Variants in PLXNA3 observed in about 807,000 individuals in gnomAD.
PLXNA3 encodes the protein plexin A3.
A neutral mutation model predicts 118.8 loss-of-function variants in PLXNA3; 52 were observed. The observed-to-expected ratio is 0.44, with a 90% confidence interval of 0.35 to 0.55. PLXNA3 has a LOEUF of 0.55. PLXNA3 is among the 20% of genes least tolerant of loss of function. The pLI, the probability that PLXNA3 is intolerant of heterozygous loss-of-function variation, is 0.01. For synonymous variants in PLXNA3, 925 were observed against 762.4 expected, an observed-to-expected ratio of 1.21 and a Z score of -3.51; for missense variants, 1,660 against 1,730.8, an observed-to-expected ratio of 0.96 and a Z score of 0.73.
Position 154,466,104 on chromosome X carries a change from C to T in PLXNA3, c.2678+24C>T, listed in dbSNP as rs369298396. The T allele has an allele frequency of 3.1e-5, 37 of 1,207,904 alleles. No homozygotes were observed. The African/African-American group carries it at 3.3e-4, about 11-fold the overall frequency. On this transcript the variant is annotated intron_variant, in intron 14 of 32. Coordinates refer to ENST00000369682, the MANE Select transcript of PLXNA3 (RefSeq NM_017514.5). The stretch of plus-strand genomic sequence containing the variant: ...AGGTGAGTGCGGCTCTGTGGGTGCC[C>T]GGGCCGTATGTGGCCTGGCCGGCCC...
chrX:154,476,917 G>A lies in PLXNA3; in HGVS notation c.*4232G>A, dbSNP rs1210016917. 5 of 111,831 alleles carry A rather than the reference G, an allele frequency of 4.5e-5. No homozygotes were observed. The highest frequency in any genetic ancestry group is 9.5e-5 in the Admixed American group (1 of 10,530). The allele number at this position is 111,831 out of a possible 1,213,427, so 9.2% of individuals were successfully genotyped here. On this transcript the variant is annotated 3_prime_UTR_variant, in exon 33 of 33. Transcript: ENST00000369682. ...TCCCAGCAGCTGGAGTTTGCAGGGC[G>A]GAGAACCAGAGAGAAGAGAGCTGCA... is the stretch of plus-strand genomic sequence containing the variant.
intron 20 of PLXNA3, 32 bp from the exon 21 acceptor site, chrX:154,467,735 G>A: frequency 8.3e-7 from 1 of 1,201,250 alleles, no homozygotes; most frequent in Non-Finnish European, 1.1e-6. Flanking sequence ...GGTGGGCGTG[G>A]TGGTCAGCTC....
At position 154,469,076 on chromosome X, in the gene PLXNA3, G is replaced by A. The variant is rs782012555; in HGVS notation, c.4455G>A (p.Pro1485=). The A allele has an allele frequency of 1.2e-5, 15 of 1,211,384 alleles. No individual in the cohort carries two copies. The highest frequency in any genetic ancestry group is 5.9e-5 in the East Asian group (2 of 33,861). ...CTCAGACCCTTCACTGCGTGTGTCC[G>A]GAGAACGAGGGCAGCGCCCAGGTCC... The part of the protein sequence containing the change: ...YKTLTLHCVC[P]ENEGSAQVPV... Residue 1485 remains proline (P), a synonymous_variant, in exon 26 of 33, where the codon CCG becomes CCA. Transcript: ENST00000369682.
At position 154,468,313 on chromosome X, in the gene PLXNA3, A is replaced by G. The variant is rs147236876; in HGVS notation, c.3974A>G (p.Asn1325Ser). 5.0e-6 allele frequency: 6 copies of G among 1,201,200 alleles called. No homozygotes were observed. The highest frequency in any genetic ancestry group is 4.4e-5 in the Admixed American group (2 of 45,627). Reference protein sequence around the residue: ...PVLKELDTPPNVEKALRLFGQ... With the variant: ...PVLKELDTPPSVEKALRLFGQ... ...TCCTGCTCCCCACAGACGCCACCCAACGTGGAGAAGGCCCTGCGCCTCTTC... is the reference window on the plus strand; with the variant it reads ...TCCTGCTCCCCACAGACGCCACCCAGCGTGGAGAAGGCCCTGCGCCTCTTC... The change falls in exon 23 of 33, where the codon AAC (asparagine) becomes AGC (serine). Residue 1325 changes from asparagine to serine, a missense_variant. Coordinates refer to ENST00000369682, the MANE Select transcript of PLXNA3 (RefSeq NM_017514.5).
In PLXNA3 at chrX:154,465,809, C is replaced by A. The variant is rs147689029; in HGVS notation, c.2494C>A (p.Gln832Lys). The change falls in exon 13 of 33, where the codon CAG (glutamine) becomes AAG (lysine). Residue 832 changes from glutamine to lysine, a missense_variant. This residue lies in a region of PLXNA3 where 869 missense variants were observed against 1,078.7 expected (regional missense o/e 0.81). Coordinates refer to ENST00000369682, the MANE Select transcript of PLXNA3 (RefSeq NM_017514.5). ...GAAGACCAACTGGATGCACCTGAGC[C>A]AGAAGGGCACCCGGTGCAGCCACCC... ...APKTNWMHLS[Q>K]KGTRCSHPRI... 3.3e-6 allele frequency: 4 copies of A among 1,205,981 alleles called. No individual in the cohort carries two copies. The highest frequency in any genetic ancestry group is 4.5e-6 in the Non-Finnish European group (4 of 892,927).
chrX:154,464,938 C>G (rs2069052682), intron 10 of PLXNA3, 70 bp downstream of exon 10: 1 of 1,086,544 alleles, frequency 9.2e-7, no homozygotes, highest in African/African-American at 1.8e-5. Context: ...TCTATGCGTT[C>G]TCGGTTTCTT....
In PLXNA3 at chrX:154,474,567, TC is replaced by T. The variant is rs2069222706; in HGVS notation, c.*1885del. 1 of 105,518 alleles carries T rather than the reference TC, an allele frequency of 9.5e-6. No homozygotes were observed. The highest frequency in any genetic ancestry group is 1.9e-5 in the Non-Finnish European group (1 of 51,478). The allele number at this position is 105,518 out of a possible 1,213,427, so 8.7% of individuals were successfully genotyped here. A position where few individuals can be genotyped will look rare whatever the true frequency, so the allele number is the denominator to read the frequency against. The stretch of plus-strand genomic sequence containing the variant: ...ATCTCGGCTCACTGCAAGCTCCGCC[TC>T]CCAGGTTCACGCCATTCTCCTGCCT... On this transcript the variant is annotated 3_prime_UTR_variant, in exon 33 of 33. Transcript: ENST00000369682.
rs782590765 is a variant in PLXNA3, at chrX:154,465,407, G to C, written c.2245-17G>C. 8.5e-7 allele frequency: 1 copy of C among 1,174,899 alleles called. No individual in the cohort carries two copies. Among genetic ancestry groups the C allele is most frequent in the South Asian group, 1.8e-5 (1 of 55,824 alleles). ...CTGCACATCTTATCTGGGGTCCCAT[G>C]GGTTCCTTTCCTCCAGTACTCCTAT... is the stretch of plus-strand genomic sequence containing the variant. On this transcript the variant is annotated splice_polypyrimidine_tract_variant and intron_variant, in intron 11 of 32. Transcript: ENST00000369682.
In PLXNA3 at chrX:154,468,208, T is replaced by C. The variant is rs1557208105; in HGVS notation, c.3947T>C (p.Val1316Ala). ...VLFPGIEAHP[V>A]LKELDTPPNV... ...TTCCCGGGCATCGAGGCCCACCCGG[T>C]GCTCAAGGAGCTGGATGTGAGCCTC... Residue 1316 changes from valine (V) to alanine (A), a missense_variant, in exon 22 of 33, where the codon GTG (valine) becomes GCG (alanine). Val to Ala is a moderately conservative substitution (Grantham distance 64). Transcript: ENST00000369682. 2.5e-6 allele frequency: 3 copies of C among 1,180,292 alleles called. No homozygotes were observed. The South Asian group carries it at 5.8e-5, about 23-fold the overall frequency.
chrX:154,461,131 C>T lies in PLXNA3; in HGVS notation c.627C>T (p.Ile209=). ...AGGATGAGTTTGTGTCCTCCCAGAT[C>T]AAGATCCCCTCAGACACGCTGTCCT... ...VYQDEFVSSQ[I]KIPSDTLSLY... Residue 209 remains isoleucine, a synonymous_variant, in exon 3 of 33, where the codon ATC becomes ATT. Coordinates refer to ENST00000369682, the MANE Select transcript of PLXNA3 (RefSeq NM_017514.5). 1 of 1,205,819 alleles carries T rather than the reference C, an allele frequency of 8.3e-7. No homozygotes were observed. The highest frequency in any genetic ancestry group is 1.1e-6 in the Non-Finnish European group (1 of 890,754).
intron 4 of PLXNA3, 87 bp from the exon 5 acceptor site, chrX:154,463,304 G>C (rs2069009449): frequency 2.6e-6 from 3 of 1,174,281 alleles, no homozygotes; most frequent in African/African-American, 3.6e-5. Context: ...CGTCAGCTCA[G>C]CCACAACCTC....
chrX:154,463,187 G>A (rs111969556), intron 4 of PLXNA3, among the ~76,000 whole-genome samples: 29 of 110,767 alleles, frequency 2.6e-4, no homozygotes, highest in Non-Finnish European at 4.2e-4. Context: ...TGGGCAACAC[G>A]AATCACTCCG....
chrX:154,469,373 C>T lies in PLXNA3; in HGVS notation c.4595-6C>T, dbSNP rs782053386. 2 of 1,199,650 alleles carry T rather than the reference C, an allele frequency of 1.7e-6. No homozygotes were observed. The highest frequency in any genetic ancestry group is 3.5e-5 in the South Asian group (2 of 56,597). ...CATAATCTTAAGGGCTGTCTGTGGC[C>T]CACAGAGTGGCGCCAGGGCCGCATG... On this transcript the variant is annotated splice_region_variant and splice_polypyrimidine_tract_variant and intron_variant, in intron 26 of 32. Transcript: ENST00000369682.
Position 154,468,104 on chromosome X carries a change from C to A in PLXNA3, c.3843C>A (p.Asp1281Glu). 8.4e-7 allele frequency: 1 copy of A among 1,190,909 alleles called. No individual in the cohort carries two copies. Among genetic ancestry groups the A allele is most frequent in the Non-Finnish European group, 1.1e-6 (1 of 882,924 alleles). The change falls in exon 22 of 33, where the codon GAC (aspartate) becomes GAA (glutamate). Residue 1281 changes from aspartate (D) to glutamate (E), a missense_variant. Coordinates refer to ENST00000369682, the MANE Select transcript of PLXNA3 (RefSeq NM_017514.5). ...CKEAFAELQT[D>E]INELTNHMDE... ...CAGCTTTTGCAGAGCTGCAGACGGA[C>A]ATCAATGAGCTGACTAACCACATGG... is the stretch of plus-strand genomic sequence containing the variant.
In PLXNA3 at chrX:154,464,293, G is replaced by A. The variant is rs184926947; in HGVS notation, c.1808G>A (p.Arg603Gln). The A allele has an allele frequency of 3.8e-5, 46 of 1,206,853 alleles. No individual in the cohort carries two copies. The highest frequency in any genetic ancestry group is 1.2e-4 in the East Asian group (4 of 33,731). ...LCPSPSLQEL[R>Q]ALTRGHGATR... ...CCCTCACCCTCCCTCCAGGAGCTCC[G>A]AGCTCTTACCAGGGGGCATGGTCAG... Residue 603 changes from arginine to glutamine, a missense_variant, in exon 8 of 33, where the codon CGA becomes CAA. Transcript: ENST00000369682.
At chrX:154,464,626 G>A in intron 9 of PLXNA3, 125 bp downstream of exon 9, 1 of 697,694 alleles carries the variant, frequency 1.4e-6, no homozygotes, top group Non-Finnish European at 2.2e-6. Context: ...GATAGCCCCT[G>A]ACATCCCCAC....
chrX:154,465,251 C>T (rs2069059651), intron 11 of PLXNA3, 33 bp downstream of exon 11: 1 of 1,156,819 alleles, frequency 8.6e-7, no homozygotes, highest in Non-Finnish European at 1.2e-6. Context: ...CCTTCGGGGT[C>T]TGGGCTGTGG....
chrX:154,468,146 C>A lies in PLXNA3; in HGVS notation c.3885C>A (p.Pro1295=). ...ACCACATGGACGAGGTGCAGATCCC[C>A]TTCCTGGACTACCGGACTTACGCCG... ...LTNHMDEVQI[P]FLDYRTYAVR... Residue 1295 remains proline, a synonymous_variant, in exon 22 of 33, where the codon CCC becomes CCA. Coordinates refer to ENST00000369682, the MANE Select transcript of PLXNA3 (RefSeq NM_017514.5). 1 of 1,193,718 alleles carries A rather than the reference C, an allele frequency of 8.4e-7. No individual in the cohort carries two copies. The highest frequency in any genetic ancestry group is 1.1e-6 in the Non-Finnish European group (1 of 885,435).
chrX:154,462,789 G>A (rs1210248418), intron 4 of PLXNA3, among the ~76,000 whole-genome samples: 2 of 110,963 alleles, frequency 1.8e-5, no homozygotes, highest in Non-Finnish European at 3.8e-5. Flanking sequence ...TGGGGATCTG[G>A]GGGTAGCTTG....
Sources: gnomAD v4.1 joint callset for allele counts (sites outside exome capture counted in the v4.1 genomes callset) on GRCh38, gnomAD v4.1.1 for gene constraint, gnomAD v4.1.1 regional missense constraint, MANE v1.5 for transcripts, NCBI Gene and HGNC (gene_info 2026-07-23, HGNC 2026-07-21) for gene names.